The following SLC26A11 variants were observed in gnomAD, a reference collection of about 807,000 sequenced individuals.
SLC26A11 encodes the protein solute carrier family 26 member 11.
In SLC26A11, 58 loss-of-function variants were observed where a neutral mutation model predicts 62.2. The observed-to-expected ratio is 0.93, with a 90% CI of 0.76 to 1.16. SLC26A11 has a LOEUF of 1.16. Ranked by LOEUF, SLC26A11 falls within the 50% of genes most tolerant of loss-of-function variation. The pLI, the probability that SLC26A11 is intolerant of heterozygous loss-of-function variation, is 0.00. For missense variants in SLC26A11, 790 were observed against 794.3 expected (o/e 0.99, Z 0.06); for synonymous variants, 411 against 368.9 (o/e 1.11, Z -1.31).
Position 80,222,086 on chromosome 17 carries a change from C to CA in SLC26A11, c.234+297dup, listed in dbSNP as rs1020608273. ...TGAAACCCCGTCTCCACTAAAAATA[C>CA]AAAAATTAGGCTGGGTGCGGTGGCT... On this transcript the variant is annotated intron_variant, in intron 3 of 17. Transcript: ENST00000361193. The surrounding 1 kb of genome is among the most constrained non-coding windows in gnomAD (Gnocchi z 4.7). 1.0e-5 allele frequency: 4 copies of CA among 381,680 alleles called. No homozygotes were observed. Among genetic ancestry groups the CA allele is most frequent in the African/African-American group, 2.1e-5 (1 of 47,740 alleles). The allele number at this position is 381,680 out of a possible 1,614,324, so 23.6% of individuals were successfully genotyped here.
In SLC26A11 at chr17:80,221,643, C is replaced by A. The variant is rs745969268; in HGVS notation, c.83C>A (p.Ala28Glu). The part of the protein sequence containing the change: ...MAPSACCCSP[A>E]ALQRRLPILA... ...CCGAGCGCCTGCTGCTGCTCCCCTG[C>A]GGCCCTGCAGAGGAGGCTGCCCATC... is the stretch of plus-strand genomic sequence containing the variant. Residue 28 changes from alanine to glutamate, a missense_variant, in exon 3 of 18, where the codon GCG becomes GAG. Ala to Glu is a moderately radical substitution (Grantham distance 107, BLOSUM62 -1). Coordinates refer to ENST00000361193, the MANE Select transcript of SLC26A11 (RefSeq NM_001166347.2). 5.6e-5 allele frequency: 90 copies of A among 1,611,854 alleles called. No homozygotes were observed. The highest frequency in any genetic ancestry group is 1.2e-4 in the Admixed American group (7 of 59,984).
intron 9 of SLC26A11, among the ~76,000 whole-genome samples, chr17:80,238,213 G>A (rs1490894458): frequency 6.6e-6 from 1 of 152,066 alleles, no homozygotes; most frequent in Admixed American, 6.6e-5. Context: ...AAAATTAGCT[G>A]GGCATGGAGC....
intron 7 of SLC26A11, among the ~76,000 whole-genome samples, chr17:80,236,454 C>T (rs570387763): frequency 1.6e-4 from 25 of 152,346 alleles, no homozygotes; most frequent in South Asian, 6.2e-4. Flanking sequence ...CGTAGGCAGC[C>T]GGCGGGGCAG....
intron 13 of SLC26A11, among the ~76,000 whole-genome samples, chr17:80,247,710 G>T (rs2043045414): frequency 6.6e-6 from 1 of 152,216 alleles, no homozygotes; most frequent in Non-Finnish European, 1.5e-5. Context: ...CTCAGCCAGG[G>T]TGGGGCAGGC....
chr17:80,241,479 C>T (rs1340197147), intron 9 of SLC26A11, among the ~76,000 whole-genome samples: 1 of 152,056 alleles, frequency 6.6e-6, no homozygotes, highest in African/African-American at 2.4e-5. Flanking sequence ...AGGCTGGTCT[C>T]GAACTCCTGG....
chr17:80,222,000 A>G, intron 3 of SLC26A11: 6 of 581,820 alleles, frequency 1.0e-5, no homozygotes, highest in Non-Finnish European at 1.5e-5. Flanking sequence ...CTGGTTATGG[A>G]GGGGCCAGCG....
At chr17:80,240,632 G>A (rs111799699) in intron 9 of SLC26A11, among the ~76,000 whole-genome samples, 1,646 of 151,756 alleles carry the variant, frequency 0.011, 25 homozygotes, top group African/African-American at 0.037. Context: ...GTGAAACCCC[G>A]TCTCTACTAA....
chr17:80,238,296 T>C (rs987701874), intron 9 of SLC26A11, among the ~76,000 whole-genome samples: 2 of 152,186 alleles, frequency 1.3e-5, no homozygotes, highest in Admixed American at 6.5e-5. Context: ...GAGGTGGCAT[T>C]GAGCTGTGAT....
At chr17:80,249,070 C>T in intron 15 of SLC26A11, 84 bp from the exon 16 acceptor site, 1 of 1,495,970 alleles carries the variant, frequency 6.7e-7, no homozygotes, top group South Asian at 1.3e-5. Flanking sequence ...GTCCCCTGCC[C>T]CTGGCCAGAG....
rs1478947894 is a variant in SLC26A11 at position 80,248,240 on chromosome 17, GC to G, written c.1407del (p.Arg470GlyfsTer33). 3.7e-6 allele frequency: 6 copies of G among 1,609,038 alleles called. No individual in the cohort carries two copies. The African/African-American group carries it at 8.0e-5, about 21-fold the overall frequency. ...TCTGCTCATGCTCCTGCACTCTGCA[GC>G]CAGGCCTGAGACCAAGGTACCCCTC... ...VSLLMLLHSA[A>X]RPETKVSEGP... On this transcript the variant is annotated frameshift_variant, in exon 14 of 18. Coordinates refer to ENST00000361193, the MANE Select transcript of SLC26A11 (RefSeq NM_001166347.2). LOFTEE classifies it high-confidence loss of function.
intron 7 of SLC26A11, among the ~76,000 whole-genome samples, chr17:80,233,583 C>CCT (rs1345270511): frequency 3.2e-5 from 2 of 62,380 alleles, no homozygotes; most frequent in African/African-American, 5.5e-5. Context: ...ACTCTTTCAG[C>CCT]ATTTTTTTTT....
chr17:80,246,953 C>A lies in SLC26A11; in HGVS notation c.1294+304C>A, dbSNP rs964227895. On this transcript the variant is annotated intron_variant, in intron 13 of 17. Coordinates refer to ENST00000361193, the MANE Select transcript of SLC26A11 (RefSeq NM_001166347.2). The surrounding 1 kb of genome is among the most constrained non-coding windows in gnomAD (Gnocchi z 4.4). ...TACCCTCCTTGCCACCCGCCTCCAG[C>A]CACCACTCTGCCCGGCCCAGCTGGG... Among the ~76,000 whole-genome samples, 1 of 152,168 alleles carries A rather than the reference C, an allele frequency of 6.6e-6. No individual in the cohort carries two copies. Among genetic ancestry groups the A allele is most frequent in the Non-Finnish European group, 1.5e-5 (1 of 68,016 alleles).
At position 80,223,225 on chromosome 17, in the gene SLC26A11, G is replaced by A. The variant is rs1324238414; in HGVS notation, c.428-27G>A. On this transcript the variant is annotated intron_variant, in intron 4 of 17. Coordinates refer to ENST00000361193, the MANE Select transcript of SLC26A11 (RefSeq NM_001166347.2). The surrounding 1 kb of genome is among the most constrained non-coding windows in gnomAD (Gnocchi z 4.6). The stretch of plus-strand genomic sequence containing the variant: ...CTGGGACTGGGTGGAGCCGGGACCA[G>A]CTCGATGTCCCCTCTTGGCTGGCCA... 1 of 1,605,424 alleles carries A rather than the reference G, an allele frequency of 6.2e-7. No individual in the cohort carries two copies. Among genetic ancestry groups the A allele is most frequent in the Non-Finnish European group, 8.5e-7 (1 of 1,172,244 alleles).
At position 80,237,009 on chromosome 17, in the gene SLC26A11, CA is replaced by C. The variant is rs772634026; in HGVS notation, c.819del (p.Glu275ArgfsTer16). On this transcript the variant is annotated frameshift_variant, in exon 8 of 18. Transcript: ENST00000361193. LOFTEE classifies it high-confidence loss of function. ...EVTGYQPFIL[T>X]GETAEGLPPV... ...ACTGGATACCAGCCTTTCATCCTAACAGGGGAGACAGCTGAGGGGCTCCCTC... is the reference window on the plus strand; with the variant it reads ...ACTGGATACCAGCCTTTCATCCTAACGGGGAGACAGCTGAGGGGCTCCCTC... The C allele has an allele frequency of 2.1e-5, 34 of 1,614,012 alleles. No homozygotes were observed. The highest frequency in any genetic ancestry group is 2.6e-5 in the Non-Finnish European group (31 of 1,180,006).
chr17:80,244,332 T>C (rs2042939788), intron 10 of SLC26A11, among the ~76,000 whole-genome samples: 1 of 152,194 alleles, frequency 6.6e-6, no homozygotes, highest in Non-Finnish European at 1.5e-5. Flanking sequence ...ATACTGGCCA[T>C]GACCTTGGCC....
Position 80,246,618 on chromosome 17 carries a change from C to G in SLC26A11, c.1263C>G (p.Thr421=). The part of the protein sequence containing the change: ...IIMAVAPLFD[T]KIFRTLWRVK... ...TGGCCGTGGCCCCGCTGTTCGACAC[C>G]AAGATCTTCAGGACGCTCTGGCGTG... Residue 421 remains threonine, a synonymous_variant, in exon 13 of 18, where the codon ACC becomes ACG. Coordinates refer to ENST00000361193, the MANE Select transcript of SLC26A11 (RefSeq NM_001166347.2). This position sits in a 1 kb window ranked among gnomAD's most constrained non-coding sequence, Gnocchi z 4.4. 6.2e-7 allele frequency: 1 copy of G among 1,613,968 alleles called. No homozygotes were observed. The highest frequency in any genetic ancestry group is 1.1e-5 in the South Asian group (1 of 91,080).
At chr17:80,221,992 G>A (rs1036975633) in intron 3 of SLC26A11, 198 bp downstream of exon 3, 6 of 592,430 alleles carry the variant, frequency 1.0e-5, no homozygotes, top group African/African-American at 9.4e-5. Context: ...ACACTGAGCT[G>A]GTTATGGAGG....
chr17:80,234,905 A>G (rs1327943588), intron 7 of SLC26A11, among the ~76,000 whole-genome samples: 1 of 150,012 alleles, frequency 6.7e-6, no homozygotes, highest in East Asian at 1.9e-4. Context: ...GCTGGAGTGC[A>G]ATGGCGCGGT....
chr17:80,221,886 C>A, intron 3 of SLC26A11, 92 bp downstream of exon 3: 1 of 1,313,348 alleles, frequency 7.6e-7, no homozygotes, highest in Non-Finnish European at 1.0e-6. Flanking sequence ...TTCCAGGTTT[C>A]CAGCCCCTGG....
Sources: allele counts gnomAD v4.1 joint callset (sites outside exome capture counted in the v4.1 genomes callset), GRCh38; gene constraint gnomAD v4.1.1; non-coding constraint Gnocchi (gnomAD v3.1); transcripts MANE v1.5; gene names NCBI Gene and HGNC (gene_info 2026-07-23, HGNC 2026-07-21).